The following SPON1 variants were observed in gnomAD, a reference collection of about 807,000 sequenced individuals.
SPON1 encodes the protein spondin 1.
Under a neutral mutation model 111.7 loss-of-function variants are expected in SPON1, and 52 were observed. That is an observed-to-expected ratio of 0.47 (90% CI 0.37 to 0.59). SPON1 has a LOEUF of 0.59. Among genes scored for constraint, SPON1 ranks in the 20% least tolerant of loss-of-function variants. The probability of loss-of-function intolerance (pLI) is 0.00; values close to 1 mark genes in which losing one functional copy is unlikely to be tolerated. For missense variants in SPON1, 957 were observed against 1,068.5 expected, an observed-to-expected ratio of 0.90 and a Z score of 1.46; for synonymous variants, 410 against 395.8, an observed-to-expected ratio of 1.04 and a Z score of -0.43.
chr11:14,215,537 C>T (rs782568197), intron 6 of SPON1, among the ~76,000 whole-genome samples: 6 of 152,034 alleles, frequency 3.9e-5, no homozygotes, highest in Non-Finnish European at 7.4e-5. Context: ...TCCTCAAAGG[C>T]AGTATTACAA....
In SPON1 at chr11:14,267,495, GCTAT is replaced by G. The variant is rs1426925238; in HGVS notation, c.*1816_*1819del. The G allele has an allele frequency of 4.6e-5, 7 of 152,270 alleles. No homozygotes were observed. In the East Asian group the frequency reaches 5.8e-4, roughly 13 times the overall value. The allele number at this position is 152,270 out of a possible 1,614,324, so 9.4% of individuals were successfully genotyped here. On this transcript the variant is annotated 3_prime_UTR_variant, in exon 16 of 16. Coordinates refer to ENST00000576479, the MANE Select transcript of SPON1 (RefSeq NM_006108.4). ...ACCCACTTTTGCAATGTTGTTCTAA[GCTAT>G]CTATCTAACTCTCAGCCCATGATAA...
chr11:14,223,092 T>C (rs1554937747), intron 6 of SPON1, among the ~76,000 whole-genome samples: 1 of 152,196 alleles, frequency 6.6e-6, no homozygotes, highest in Non-Finnish European at 1.5e-5. Context: ...GGGCCGAGCA[T>C]GGTGGCTCAT....
intron 1 of SPON1, among the ~76,000 whole-genome samples, chr11:13,970,434 A>G (rs1023327475): frequency 6.6e-6 from 1 of 152,198 alleles, no homozygotes; most frequent in Non-Finnish European, 1.5e-5. Context: ...TGTGGTTGAG[A>G]TATTTGCCAA....
chr11:14,222,880 A>G (rs1427504926), intron 6 of SPON1, among the ~76,000 whole-genome samples: 1 of 152,210 alleles, frequency 6.6e-6, no homozygotes, highest in Non-Finnish European at 1.5e-5. Context: ...GAAAAGATGC[A>G]TGTAATTAAC....
chr11:14,235,983 C>A (rs1848861796), intron 6 of SPON1, among the ~76,000 whole-genome samples: 1 of 152,096 alleles, frequency 6.6e-6, no homozygotes, highest in African/African-American at 2.4e-5. Context: ...GATGCCGAAA[C>A]CCAGGTTGTG....
chr11:14,263,051 T>C (rs1437648544), intron 15 of SPON1, 76 bp downstream of exon 15: 2 of 1,223,230 alleles, frequency 1.6e-6, no homozygotes, highest in Non-Finnish European at 2.1e-6. Context: ...CTTGGACCTG[T>C]TTAAAAAAAA....
intron 13 of SPON1, among the ~76,000 whole-genome samples, chr11:14,260,232 A>C (rs1849156667): frequency 6.6e-6 from 1 of 152,158 alleles, no homozygotes; most frequent in African/African-American, 2.4e-5. Flanking sequence ...TGCATCCCTG[A>C]GCCTCTCCTT....
At chr11:14,067,688 G>A (rs930670567) in intron 3 of SPON1, among the ~76,000 whole-genome samples, 4 of 152,116 alleles carry the variant, frequency 2.6e-5, no homozygotes, top group South Asian at 2.1e-4. Context: ...CAAACTTCCC[G>A]TTATGTTACT....
At position 14,228,742 on chromosome 11, in the gene SPON1, G is replaced by A. The variant is rs1392473238; in HGVS notation, c.826-14590G>A. Among the ~76,000 whole-genome samples, 3 of 152,202 alleles carry A rather than the reference G, an allele frequency of 2.0e-5. No homozygotes were observed. The highest frequency in any genetic ancestry group is 4.4e-5 in the Non-Finnish European group (3 of 68,042). ...TCACTCCTGAAGAGAGATCTGGACA[G>A]AGCGTCACATTGTCTTCCACACTAA... On this transcript the variant is annotated intron_variant, in intron 6 of 15. Coordinates refer to ENST00000576479, the MANE Select transcript of SPON1 (RefSeq NM_006108.4). The surrounding 1 kb of genome is among the most constrained non-coding windows in gnomAD (Gnocchi z 4.2).
Position 14,267,319 on chromosome 11 carries a change from G to A in SPON1, c.*1632G>A, listed in dbSNP as rs1390911573. On this transcript the variant is annotated 3_prime_UTR_variant, in exon 16 of 16. Transcript: ENST00000576479. ...GGGCTTTTGCTCCCTTGTTCTTGGA[G>A]GGACCATTATTACATCTCTGAACTA... The A allele has an allele frequency of 1.3e-5, 2 of 152,070 alleles. No homozygotes were observed. The highest frequency in any genetic ancestry group is 2.9e-5 in the Non-Finnish European group (2 of 68,028). The allele number at this position is 152,070 out of a possible 1,614,324, so 9.4% of individuals were successfully genotyped here.
intron 7 of SPON1, among the ~76,000 whole-genome samples, chr11:14,245,674 A>G (rs1848981450): frequency 6.6e-6 from 1 of 151,910 alleles, no homozygotes; most frequent in South Asian, 2.1e-4. Context: ...AGAGACTAGC[A>G]CTCAGACAGC....
chr11:14,180,313 C>T (rs943837120), intron 6 of SPON1, among the ~76,000 whole-genome samples: 1 of 151,970 alleles, frequency 6.6e-6, no homozygotes, highest in Admixed American at 6.6e-5. Context: ...TAATCTAGCC[C>T]TTCCTCTCTA....
intron 7 of SPON1, among the ~76,000 whole-genome samples, chr11:14,253,620 G>C (rs1849075625): frequency 6.6e-6 from 1 of 152,244 alleles, no homozygotes. Context: ...AGGCAGACCA[G>C]CTGCCAGCTG....
chr11:14,222,961 A>G (rs1471175636), intron 6 of SPON1, among the ~76,000 whole-genome samples: 2 of 152,190 alleles, frequency 1.3e-5, no homozygotes, highest in African/African-American at 2.4e-5. Flanking sequence ...CAAAGATCAA[A>G]CAAACTACAC....
chr11:14,046,225 C>T lies in SPON1; in HGVS notation c.479+4571C>T, dbSNP rs368242978. ...ACCCCTTTACAGGAGCTAAGACCTT[C>T]GGTTAAGGGAAGCAACTAGCCTCAG... On this transcript the variant is annotated intron_variant, in intron 3 of 15. Transcript: ENST00000576479. 2.2e-4 allele frequency among the ~76,000 whole-genome samples: 34 copies of T among 152,266 alleles called. No homozygotes were observed. The East Asian group carries it at 2.3e-3, about 10-fold the overall frequency.
Position 14,135,674 on chromosome 11 carries a change from G to T in SPON1, c.825+106G>T. The T allele has an allele frequency of 8.6e-7, 1 of 1,161,012 alleles. No individual in the cohort carries two copies. The highest frequency in any genetic ancestry group is 1.5e-5 in the South Asian group (1 of 67,160). 71.9% of individuals were successfully genotyped at this position (1,161,012 alleles called of 1,614,324 possible). On this transcript the variant is annotated intron_variant, in intron 6 of 15. Coordinates refer to ENST00000576479, the MANE Select transcript of SPON1 (RefSeq NM_006108.4). This position sits in a 1 kb window ranked among gnomAD's most constrained non-coding sequence, Gnocchi z 4.4. ...AAATTTGCAGTACAATGTGGTGGAA[G>T]AAAATCTATTTGCTGAGTTTGGGGG...
At chr11:14,136,203 G>A (rs1847590230) in intron 6 of SPON1, among the ~76,000 whole-genome samples, 1 of 152,262 alleles carries the variant, frequency 6.6e-6, no homozygotes, top group Non-Finnish European at 1.5e-5. Flanking sequence ...CCAGAGAGAG[G>A]CTAATGAGAG....
At chr11:14,154,919 C>A (rs1554930225) in intron 6 of SPON1, among the ~76,000 whole-genome samples, 1 of 152,060 alleles carries the variant, frequency 6.6e-6, no homozygotes, top group Non-Finnish European at 1.5e-5. Flanking sequence ...ATTTTAGATA[C>A]CCTAAATCAT....
At chr11:14,098,848 C>T (rs904466584) in intron 5 of SPON1, among the ~76,000 whole-genome samples, 1 of 152,194 alleles carries the variant, frequency 6.6e-6, no homozygotes, top group Non-Finnish European at 1.5e-5. Flanking sequence ...TACCATGCCT[C>T]TCCTTTAAAG....
Sources: allele counts gnomAD v4.1 joint callset (sites outside exome capture counted in the v4.1 genomes callset), GRCh38; gene constraint gnomAD v4.1.1; non-coding constraint Gnocchi (gnomAD v3.1); transcripts MANE v1.5; gene names NCBI Gene and HGNC (gene_info 2026-07-23, HGNC 2026-07-21).